Variants in AGPAT4 observed in about 807,000 individuals in gnomAD.
AGPAT4 encodes 1-acyl-sn-glycerol-3-phosphate acyltransferase delta.
AGPAT4 carries 15 observed loss-of-function variants against 48.0 expected under a neutral mutation model. That is an observed-to-expected ratio of 0.31 (90% CI 0.21 to 0.48). The LOEUF (loss-of-function observed/expected upper bound fraction) is 0.48, where lower values mean the gene tolerates loss of function less well. AGPAT4 is among the 20% of genes least tolerant of loss of function. The pLI is 0.99. For synonymous variants in AGPAT4, 178 were observed against 198.7 expected (o/e 0.90, Z 0.88); for missense variants, 314 against 482.5 (o/e 0.65, Z 3.27).
rs1458618090 is a variant in AGPAT4 at position 161,238,079 on chromosome 6, G to C, written c.-89-5777C>G. Among the ~76,000 whole-genome samples, 1 of 143,318 alleles carries C rather than the reference G, an allele frequency of 7.0e-6. No homozygotes were observed. Among genetic ancestry groups the C allele is most frequent in the Non-Finnish European group, 1.5e-5 (1 of 64,882 alleles). 94.0% of individuals were successfully genotyped at this position (143,318 alleles called of 152,430 possible). ...GGGGGGCTGGGGGTGGGGGGGTAATGGGGGGGTTGGGGGGCGGGAGGCAGA... is the reference window on the plus strand; with the variant it reads ...GGGGGGCTGGGGGTGGGGGGGTAATCGGGGGGTTGGGGGGCGGGAGGCAGA... On this transcript the variant is annotated intron_variant, in intron 1 of 8. Transcript: ENST00000320285. This position sits in a 1 kb window ranked among gnomAD's most constrained non-coding sequence, Gnocchi z 5.2.
intron 2 of AGPAT4, among the ~76,000 whole-genome samples, chr6:161,172,234 G>C (rs1212993457): frequency 6.6e-6 from 1 of 152,242 alleles, no homozygotes; most frequent in East Asian, 1.9e-4. Flanking sequence ...CTCAGTGCGA[G>C]AAGTGCAAGG....
rs554423790 is a variant in AGPAT4 at position 161,212,179 on chromosome 6, T to G, written c.178+19857A>C. On this transcript the variant is annotated intron_variant, in intron 2 of 8. Transcript: ENST00000320285. This position sits in a 1 kb window ranked among gnomAD's most constrained non-coding sequence, Gnocchi z 6.1. ...GGAAGCTGTATCTTATGGTCAAGAT[T>G]AAAATTTTATAGATTGTTTACAAAA... Among the ~76,000 whole-genome samples, 1 of 152,310 alleles carries G rather than the reference T, an allele frequency of 6.6e-6. No individual in the cohort carries two copies. The highest frequency in any genetic ancestry group is 6.5e-5 in the Admixed American group (1 of 15,304).
intron 1 of AGPAT4, among the ~76,000 whole-genome samples, chr6:161,250,714 A>C (rs1189053732): frequency 1.3e-5 from 2 of 152,174 alleles, no homozygotes; most frequent in Non-Finnish European, 2.9e-5. Flanking sequence ...ATATTGCCAA[A>C]ATATTTGTAG....
chr6:161,270,425 A>T lies in AGPAT4; in HGVS notation c.-90+3513T>A, dbSNP rs1158067064. Reference sequence around the variant, plus strand: ...TATTATGATTATATTTCAAAATAGGAGTGATGAAAGGCGTTTCACCAAAGA... The same window carrying T: ...TATTATGATTATATTTCAAAATAGGTGTGATGAAAGGCGTTTCACCAAAGA... On this transcript the variant is annotated intron_variant, in intron 1 of 8. Transcript: ENST00000320285. The surrounding 1 kb of genome is among the most constrained non-coding windows in gnomAD (Gnocchi z 5.3). Among the ~76,000 whole-genome samples the T allele has an allele frequency of 6.6e-6, 1 of 152,170 alleles. No homozygotes were observed. Among genetic ancestry groups the T allele is most frequent in the Non-Finnish European group, 1.5e-5 (1 of 68,036 alleles).
chr6:161,148,915 A>G lies in AGPAT4; in HGVS notation c.767+272T>C, dbSNP rs1779513239. On this transcript the variant is annotated intron_variant, in intron 6 of 8. Coordinates refer to ENST00000320285, the MANE Select transcript of AGPAT4 (RefSeq NM_020133.3). The surrounding 1 kb of genome is among the most constrained non-coding windows in gnomAD (Gnocchi z 5.5). The stretch of plus-strand genomic sequence containing the variant: ...AATAACATATTCTCTTCACACCAAC[A>G]CCAAAATAATTATAAAATACAGCCT... Among the ~76,000 whole-genome samples the G allele has an allele frequency of 6.6e-6, 1 of 152,296 alleles. No homozygotes were observed. Among genetic ancestry groups the G allele is most frequent in the South Asian group, 2.1e-4 (1 of 4,828 alleles).
chr6:161,170,403 G>A (rs1246289685), intron 2 of AGPAT4, among the ~76,000 whole-genome samples: 2 of 151,836 alleles, frequency 1.3e-5, no homozygotes, highest in African/African-American at 4.8e-5. Flanking sequence ...ATTATGAACA[G>A]TTTGGAAAAT....
At position 161,149,375 on chromosome 6, in the gene AGPAT4, T is replaced by C. The variant is rs1240863979; in HGVS notation, c.665-86A>G. The C allele has an allele frequency of 8.5e-7, 1 of 1,182,368 alleles. No homozygotes were observed. Among genetic ancestry groups the C allele is most frequent in the African/African-American group, 1.5e-5 (1 of 64,758 alleles). The allele number at this position is 1,182,368 out of a possible 1,614,324, so 73.2% of individuals were successfully genotyped here. ...AGATACACACATTGGAAGACAATAA[T>C]CAAATGGCTAACTGCTTATCTAGAA... On this transcript the variant is annotated intron_variant, in intron 5 of 8. Transcript: ENST00000320285. The surrounding 1 kb of genome is among the most constrained non-coding windows in gnomAD (Gnocchi z 6.5).
Position 161,262,333 on chromosome 6 carries a change from C to T in AGPAT4, c.-90+11605G>A, listed in dbSNP as rs1783127000. 6.6e-6 allele frequency among the ~76,000 whole-genome samples: 1 copy of T among 152,182 alleles called. No individual in the cohort carries two copies. Among genetic ancestry groups the T allele is most frequent in the Admixed American group, 6.5e-5 (1 of 15,276 alleles). On this transcript the variant is annotated intron_variant, in intron 1 of 8. Coordinates refer to ENST00000320285, the MANE Select transcript of AGPAT4 (RefSeq NM_020133.3). This position sits in a 1 kb window ranked among gnomAD's most constrained non-coding sequence, Gnocchi z 4.9. ...CATGGGTTAGACTCTGCTGCCAGGA[C>T]CTGAAAAGCGTGATGGAGCTGCAGC...
rs766189974 is a variant in AGPAT4, at chr6:161,195,220, G to A, written c.179-28803C>T. Among the ~76,000 whole-genome samples the A allele has an allele frequency of 8.5e-5, 13 of 152,118 alleles. No individual in the cohort carries two copies. Among genetic ancestry groups the A allele is most frequent in the Middle Eastern group, 3.4e-3 (1 of 294 alleles). On this transcript the variant is annotated intron_variant, in intron 2 of 8. Coordinates refer to ENST00000320285, the MANE Select transcript of AGPAT4 (RefSeq NM_020133.3). This position sits in a 1 kb window ranked among gnomAD's most constrained non-coding sequence, Gnocchi z 5.0. ...TTTGAAGCAAATTTCTCATTTAACCGAAAACCAAGATGAAGGATAATTCAA... is the reference window on the plus strand; with the variant it reads ...TTTGAAGCAAATTTCTCATTTAACCAAAAACCAAGATGAAGGATAATTCAA...
At chr6:161,167,121 C>A (rs1003964250) in intron 2 of AGPAT4, among the ~76,000 whole-genome samples, 1 of 152,212 alleles carries the variant, frequency 6.6e-6, no homozygotes. Context: ...AGGGTAGAAA[C>A]TGTCCAGAAA....
At chr6:161,211,320 A>G (rs79565050) in intron 2 of AGPAT4, among the ~76,000 whole-genome samples, 2,809 of 152,290 alleles carry the variant, frequency 0.018, 77 homozygotes, top group African/African-American at 0.062. Context: ...CTCCAAAAAC[A>G]AAGTGTGTCC....
rs1159455774 is a variant in AGPAT4, at chr6:161,232,369, G to A, written c.-89-67C>T. On this transcript the variant is annotated intron_variant, in intron 1 of 8. Coordinates refer to ENST00000320285, the MANE Select transcript of AGPAT4 (RefSeq NM_020133.3). The surrounding 1 kb of genome is among the most constrained non-coding windows in gnomAD (Gnocchi z 6.8). ...GTGCTTTTAGAGTCAGAAAAAAAGT[G>A]CTCTGAAAAGAAAAATATACACTTG... 2.0e-5 allele frequency: 14 copies of A among 683,658 alleles called. No individual in the cohort carries two copies. The East Asian group carries it at 3.9e-4, about 19-fold the overall frequency. The allele number at this position is 683,658 out of a possible 1,614,324, so 42.3% of individuals were successfully genotyped here.
Position 161,201,722 on chromosome 6 carries a change from G to A in AGPAT4, c.178+30314C>T, listed in dbSNP as rs942344015. ...CTGAGGCTGACTTCAAAAGATAGGG[G>A]TAGGTAAATTACTGTGGCCCAACTA... On this transcript the variant is annotated intron_variant, in intron 2 of 8. Transcript: ENST00000320285. The surrounding 1 kb of genome is among the most constrained non-coding windows in gnomAD (Gnocchi z 6.0). 3.3e-5 allele frequency among the ~76,000 whole-genome samples: 5 copies of A among 152,214 alleles called. No homozygotes were observed. Among genetic ancestry groups the A allele is most frequent in the African/African-American group, 1.2e-4 (5 of 41,446 alleles).
At position 161,138,866 on chromosome 6, in the gene AGPAT4, G is replaced by C. The variant is rs571756200; in HGVS notation, c.1042+556C>G. 6.6e-6 allele frequency among the ~76,000 whole-genome samples: 1 copy of C among 152,168 alleles called. No individual in the cohort carries two copies. The highest frequency in any genetic ancestry group is 1.9e-4 in the East Asian group (1 of 5,162). Reference sequence around the variant, plus strand: ...CTGCCCCGCCAGAGGCAAGGAGCAGGGTGCACAGGGGCTTGCCACCAAGAA... The same window carrying C: ...CTGCCCCGCCAGAGGCAAGGAGCAGCGTGCACAGGGGCTTGCCACCAAGAA... On this transcript the variant is annotated intron_variant, in intron 8 of 8. Transcript: ENST00000320285. The surrounding 1 kb of genome is among the most constrained non-coding windows in gnomAD (Gnocchi z 4.8).
In AGPAT4 at chr6:161,222,442, A is replaced by G. The variant is rs1379521104; in HGVS notation, c.178+9594T>C. Among the ~76,000 whole-genome samples the G allele has an allele frequency of 1.3e-5, 2 of 152,216 alleles. No homozygotes were observed. Among genetic ancestry groups the G allele is most frequent in the Non-Finnish European group, 2.9e-5 (2 of 68,042 alleles). ...ACAACTTTACTTCCAGTCTATATTT[A>G]TAAAATTGGTATTAGAATGTACCAA... On this transcript the variant is annotated intron_variant, in intron 2 of 8. Transcript: ENST00000320285. This position sits in a 1 kb window ranked among gnomAD's most constrained non-coding sequence, Gnocchi z 5.9.
chr6:161,199,106 C>CAAA (rs59535516), intron 2 of AGPAT4, among the ~76,000 whole-genome samples: 2 of 135,288 alleles, frequency 1.5e-5, no homozygotes, highest in Admixed American at 7.5e-5. Flanking sequence ...AGAGGAATTA[C>CAAA]AAAAAAAAAA....
Position 161,219,809 on chromosome 6 carries a change from T to TA in AGPAT4, c.178+12226dup, listed in dbSNP as rs1562343407. Among the ~76,000 whole-genome samples, 1 of 137,506 alleles carries TA rather than the reference T, an allele frequency of 7.3e-6. No individual in the cohort carries two copies. Among genetic ancestry groups the TA allele is most frequent in the South Asian group, 2.3e-4 (1 of 4,314 alleles). The allele number at this position is 137,506 out of a possible 152,430, so 90.2% of individuals were successfully genotyped here. ...TTGTACCAGGGACACAGATTCACAGTAAAAAAGATAGACAGAGATAGATAG... is the reference window on the plus strand; with the variant it reads ...TTGTACCAGGGACACAGATTCACAGTAAAAAAAGATAGACAGAGATAGATAG... On this transcript the variant is annotated intron_variant, in intron 2 of 8. Transcript: ENST00000320285. The surrounding 1 kb of genome is among the most constrained non-coding windows in gnomAD (Gnocchi z 4.9).
At chr6:161,188,051 CA>C (rs1237260371) in intron 2 of AGPAT4, among the ~76,000 whole-genome samples, 1 of 152,114 alleles carries the variant, frequency 6.6e-6, no homozygotes, top group East Asian at 1.9e-4. Flanking sequence ...AATACGTATA[CA>C]TTAAAATGCA....
At chr6:161,179,142 C>A (rs1199633619) in intron 2 of AGPAT4, among the ~76,000 whole-genome samples, 1 of 152,084 alleles carries the variant, frequency 6.6e-6, no homozygotes, top group Non-Finnish European at 1.5e-5. Context: ...GACTGAAGAA[C>A]AAAACTCAGG....
Sources: allele counts gnomAD v4.1 joint callset (sites outside exome capture counted in the v4.1 genomes callset), GRCh38; gene constraint gnomAD v4.1.1; non-coding constraint Gnocchi (gnomAD v3.1); transcripts MANE v1.5; gene names NCBI Gene and HGNC (gene_info 2026-07-23, HGNC 2026-07-21).